Variants in DNASE1L3 observed in about 807,000 individuals in gnomAD.
DNASE1L3 encodes deoxyribonuclease gamma.
A neutral mutation model predicts 30.9 loss-of-function variants in DNASE1L3; 27 were observed. The ratio of observed to expected loss-of-function variants is 0.87; its 90% CI spans 0.64 to 1.20. DNASE1L3 has a LOEUF of 1.20. Among genes scored for constraint, DNASE1L3 ranks in the 50% most tolerant of loss-of-function variants. The pLI is 0.00. For synonymous variants in DNASE1L3, 135 were observed against 138.0 expected, an observed-to-expected ratio of 0.98 and a Z score of 0.15; for missense variants, 364 against 378.2, an observed-to-expected ratio of 0.96 and a Z score of 0.31.
At chr3:58,210,263 A>G (rs1178638784) in intron 1 of DNASE1L3, among the ~76,000 whole-genome samples, 2 of 151,626 alleles carry the variant, frequency 1.3e-5, no homozygotes, top group Non-Finnish European at 3.0e-5. Context: ...AAAGAAAGAG[A>G]GAAAGAAAGA....
intron 5 of DNASE1L3, 48 bp from the exon 6 acceptor site, chr3:58,198,026 A>G (rs1372385404): frequency 1.3e-6 from 2 of 1,566,252 alleles, no homozygotes; most frequent in Admixed American, 3.5e-5. Flanking sequence ...CTGCTGCAGA[A>G]TGCTTTCACA....
At chr3:58,209,313 G>A (rs1290037022) in intron 1 of DNASE1L3, among the ~76,000 whole-genome samples, 1 of 152,168 alleles carries the variant, frequency 6.6e-6, no homozygotes, top group African/African-American at 2.4e-5. Context: ...AAGCCCCCAT[G>A]ATGGACTCAC....
At chr3:58,201,253 C>T (rs2097400395) in intron 4 of DNASE1L3, 144 bp from the exon 5 acceptor site, 3 of 496,350 alleles carry the variant, frequency 6.0e-6, no homozygotes, top group Non-Finnish European at 1.0e-5. Context: ...CAGCCAGTGG[C>T]CGAGATTTTA....
chr3:58,207,229 G>A (rs2097404601), intron 2 of DNASE1L3, among the ~76,000 whole-genome samples: 1 of 152,110 alleles, frequency 6.6e-6, no homozygotes. Flanking sequence ...AAATTAGCTA[G>A]GCATAGTGGG....
At chr3:58,193,241 TA>T in intron 7 of DNASE1L3, 101 bp downstream of exon 7, 1 of 1,495,864 alleles carries the variant, frequency 6.7e-7, no homozygotes. Context: ...CATGCCCAGC[TA>T]ATTTTTTTGA....
At chr3:58,208,071 G>T in intron 2 of DNASE1L3, 147 bp downstream of exon 2, 1 of 666,722 alleles carries the variant, frequency 1.5e-6, no homozygotes, top group Non-Finnish European at 2.6e-6. Context: ...CAGGACCGTG[G>T]CTAAGGGAGC....
chr3:58,196,563 A>AT (rs1359178577), intron 6 of DNASE1L3, among the ~76,000 whole-genome samples: 3 of 150,668 alleles, frequency 2.0e-5, no homozygotes, highest in Non-Finnish European at 4.4e-5. Context: ...AAAAAAAAAA[A>AT]AAAAAAAAAA....
intron 6 of DNASE1L3, among the ~76,000 whole-genome samples, chr3:58,194,562 C>T (rs926003670): frequency 6.6e-6 from 1 of 150,638 alleles, no homozygotes; most frequent in African/African-American, 2.4e-5. Context: ...TTAGGTGATC[C>T]GCCCACCTCA....
intron 1 of DNASE1L3, among the ~76,000 whole-genome samples, chr3:58,208,919 T>G (rs2097405771): frequency 6.6e-6 from 1 of 152,124 alleles, no homozygotes. Flanking sequence ...TCTGCGTGAC[T>G]ACAAAGCCCA....
chr3:58,194,322 T>TTC (rs1290389226), intron 6 of DNASE1L3, among the ~76,000 whole-genome samples: 1 of 143,870 alleles, frequency 7.0e-6, no homozygotes, highest in African/African-American at 2.6e-5. Flanking sequence ...AACTTTTTTT[T>TTC]TTTTTTTTTT....
chr3:58,202,727 C>T (rs1394637538), intron 4 of DNASE1L3, among the ~76,000 whole-genome samples: 1 of 151,772 alleles, frequency 6.6e-6, no homozygotes, highest in Non-Finnish European at 1.5e-5. Flanking sequence ...GTGGCGCATG[C>T]CTGTAATCCC....
chr3:58,196,469 C>T (rs895199899), intron 6 of DNASE1L3, among the ~76,000 whole-genome samples: 35 of 145,006 alleles, frequency 2.4e-4, no homozygotes, highest in African/African-American at 8.4e-4. Context: ...AGGAGAATGG[C>T]GTGAACCCGG....
chr3:58,203,952 T>C (rs1559758080), intron 4 of DNASE1L3, among the ~76,000 whole-genome samples: 1 of 152,080 alleles, frequency 6.6e-6, no homozygotes, highest in African/African-American at 2.4e-5. Context: ...CTCCCTACCT[T>C]GTAGTCATTG....
chr3:58,208,348 A>G (rs774606241), intron 1 of DNASE1L3, 42 bp from the exon 2 acceptor site: 1 of 1,594,444 alleles, frequency 6.3e-7, no homozygotes, highest in East Asian at 2.2e-5. Context: ...GTCATTTACC[A>G]CAGATAAATA....
chr3:58,201,816 T>C lies in DNASE1L3; in HGVS notation c.434-707A>G, dbSNP rs368975564. On this transcript the variant is annotated intron_variant, in intron 4 of 7. Transcript: ENST00000394549. ...GGATAAAAATTGCTTCCCTCCTTTA[T>C]TCAGGTGTGCTCTCGCCATTGTTCC... Among the ~76,000 whole-genome samples, 53 of 152,366 alleles carry C rather than the reference T, an allele frequency of 3.5e-4. No individual in the cohort carries two copies. In the South Asian group the frequency reaches 3.9e-3, roughly 11 times the overall value.
chr3:58,209,075 C>T (rs2097405864), intron 1 of DNASE1L3, among the ~76,000 whole-genome samples: 1 of 152,210 alleles, frequency 6.6e-6, no homozygotes, highest in African/African-American at 2.4e-5. Flanking sequence ...CCCGCCTCTA[C>T]TAAAAATACA....
intron 4 of DNASE1L3, 85 bp from the exon 5 acceptor site, chr3:58,201,194 T>C: frequency 2.0e-6 from 2 of 1,001,368 alleles, no homozygotes; most frequent in South Asian, 1.9e-5. Flanking sequence ...AGCTGTCCCC[T>C]CCAGAAGGCA....
At chr3:58,199,535 T>C (rs1227984149) in intron 5 of DNASE1L3, among the ~76,000 whole-genome samples, 5 of 152,122 alleles carry the variant, frequency 3.3e-5, no homozygotes, top group African/African-American at 7.2e-5. Flanking sequence ...CCAGGCGTGG[T>C]GGCACATGCC....
At chr3:58,196,327 G>C (rs2097397330) in intron 6 of DNASE1L3, among the ~76,000 whole-genome samples, 1 of 151,192 alleles carries the variant, frequency 6.6e-6, no homozygotes, top group South Asian at 2.1e-4. Context: ...GGCGGATCAC[G>C]AGGTCAAGAA....
Sources: gnomAD v4.1 joint callset for allele counts (sites outside exome capture counted in the v4.1 genomes callset) on GRCh38, gnomAD v4.1.1 for gene constraint, MANE v1.5 for transcripts, NCBI Gene and HGNC (gene_info 2026-07-23, HGNC 2026-07-21) for gene names.